The following GNL2 variants were observed in gnomAD, a reference collection of about 807,000 sequenced individuals.
GNL2 encodes nucleolar GTP-binding protein 2.
A neutral mutation model predicts 92.3 loss-of-function variants in GNL2; 51 were observed. That is an observed-to-expected ratio of 0.55 (90% CI 0.44 to 0.70). GNL2 has a LOEUF of 0.70. GNL2 is among the 30% of genes least tolerant of loss of function. The pLI is 0.00. For missense variants in GNL2, 844 were observed against 895.6 expected (o/e 0.94, Z 0.74); for synonymous variants, 283 against 300.6 (o/e 0.94, Z 0.61).
At chr1:37,567,157 C>T in intron 15 of GNL2, 150 bp from the exon 16 acceptor site, 1 of 741,496 alleles carries the variant, frequency 1.3e-6, no homozygotes, top group Non-Finnish European at 2.2e-6. Context: ...AGGGAGGGCT[C>T]CCCCGTAGAC....
At chr1:37,590,952 C>T in intron 3 of GNL2, 107 bp from the exon 4 acceptor site, 1 of 931,502 alleles carries the variant, frequency 1.1e-6, no homozygotes, top group Admixed American at 2.6e-5. Flanking sequence ...TACCCAAGCA[C>T]CTGATCCATC....
chr1:37,569,431 T>C (rs1177115516), intron 12 of GNL2, 129 bp from the exon 13 acceptor site: 8 of 624,392 alleles, frequency 1.3e-5, no homozygotes, highest in South Asian at 2.0e-5. Flanking sequence ...ACACCCAAAT[T>C]TGAGTCATTT....
Position 37,592,756 on chromosome 1 carries a change from G to T in GNL2, c.200C>A (p.Ala67Asp). Residue 67 changes from alanine (A) to aspartate (D), a missense_variant, in exon 3 of 16, where the codon GCT (alanine) becomes GAT (aspartate). By Grantham distance (126) the Ala-to-Asp change is moderately radical. Coordinates refer to ENST00000373062, the MANE Select transcript of GNL2 (RefSeq NM_013285.3). ...IKPLQYQSTV[A>D]SGTVARVEPN... ...CTCTACTCTTGCCACTGTGCCAGAA[G>T]CCACCGTTGATTGATATTGCAGGGG... The T allele has an allele frequency of 6.2e-7, 1 of 1,609,870 alleles. No homozygotes were observed. Among genetic ancestry groups the T allele is most frequent in the Non-Finnish European group, 8.5e-7 (1 of 1,176,068 alleles).
intron 4 of GNL2, among the ~76,000 whole-genome samples, chr1:37,588,992 GACA>G (rs944769307): frequency 2.0e-5 from 3 of 152,196 alleles, no homozygotes; most frequent in East Asian, 1.9e-4. Context: ...TAGAAGCACT[GACA>G]ACAAGTACAG....
rs141806224 is a variant in GNL2, at chr1:37,576,442, C to A, written c.1024G>T (p.Ala342Ser). Residue 342 changes from alanine to serine, a missense_variant, in exon 9 of 16, where the codon GCA (alanine) becomes TCA (serine). Physicochemically the swap from Ala to Ser is moderately conservative, Grantham distance 99. Transcript: ENST00000373062. ...GCCCAACGTACCTTTGTTTCACCTG[C>A]AATGGGAGCCACGTTGCAAACTTTC... is the stretch of plus-strand genomic sequence containing the variant. ...SKKVCNVAPI[A>S]GETKVWQYIT... The A allele has an allele frequency of 1.6e-4, 257 of 1,613,682 alleles. No homozygotes were observed. Among genetic ancestry groups the A allele is most frequent in the Middle Eastern group, 4.9e-4 (3 of 6,084 alleles).
chr1:37,585,758 A>C (rs1643841100), intron 5 of GNL2, among the ~76,000 whole-genome samples: 2 of 152,180 alleles, frequency 1.3e-5, no homozygotes. Context: ...CAATGCTTGA[A>C]GATGGGCTGA....
Position 37,567,717 on chromosome 1 carries a change from G to T in GNL2, c.1999C>A (p.Gln667Lys). The T allele has an allele frequency of 6.2e-7, 1 of 1,613,868 alleles. No individual in the cohort carries two copies. Among genetic ancestry groups the T allele is most frequent in the Non-Finnish European group, 8.5e-7 (1 of 1,179,790 alleles). The change falls in exon 15 of 16, where the codon CAG becomes AAG. Residue 667 changes from glutamine (Q) to lysine (K), a missense_variant. By Grantham distance (53) the Gln-to-Lys change is moderately conservative (BLOSUM62 1). Coordinates refer to ENST00000373062, the MANE Select transcript of GNL2 (RefSeq NM_013285.3). The stretch of plus-strand genomic sequence containing the variant: ...CTGGGAGCTTTATTTGAATGTTCCT[G>T]TTCCTCTTCCCTTTGTGCCTTCCGC... ...KKRKAQREEE[Q>K]EHSNKAPRAL...
At chr1:37,578,172 C>G (rs1276981962) in intron 8 of GNL2, among the ~76,000 whole-genome samples, 1 of 152,190 alleles carries the variant, frequency 6.6e-6, no homozygotes, top group African/African-American at 2.4e-5. Context: ...GGCACAGTGG[C>G]TCATGCCTGT....
chr1:37,573,972 G>C (rs909455811), intron 12 of GNL2, among the ~76,000 whole-genome samples: 1 of 152,108 alleles, frequency 6.6e-6, no homozygotes, highest in Admixed American at 6.6e-5. Flanking sequence ...TCGGCTCACT[G>C]CAACTTGTCT....
Position 37,569,311 on chromosome 1 carries a change from G to T in GNL2, c.1417-9C>A, listed in dbSNP as rs1643559537. Reference sequence around the variant, plus strand: ...GATGAGGAGGGTAGAAGCTATTAAGGGGTGGAAATGGGGGAAATAAATAGA... The same window carrying T: ...GATGAGGAGGGTAGAAGCTATTAAGTGGTGGAAATGGGGGAAATAAATAGA... On this transcript the variant is annotated splice_polypyrimidine_tract_variant and intron_variant, in intron 12 of 15. Transcript: ENST00000373062. The T allele has an allele frequency of 1.3e-6, 2 of 1,533,626 alleles. No homozygotes were observed. Among genetic ancestry groups the T allele is most frequent in the East Asian group, 4.5e-5 (2 of 44,418 alleles).
chr1:37,569,145 A>T lies in GNL2; in HGVS notation c.1574T>A (p.Ile525Asn). Reference protein sequence around the residue: ...HCDANTEMQQILTRVRQNFGK... With the variant: ...HCDANTEMQQNLTRVRQNFGK... ...AAAGTTCTGCCGAACTCGTGTGAGA[A>T]TCTGCTGCATCTCTGTGTTAGCATC... The change falls in exon 13 of 16, where the codon ATT becomes AAT. Residue 525 changes from isoleucine to asparagine, a missense_variant. Coordinates refer to ENST00000373062, the MANE Select transcript of GNL2 (RefSeq NM_013285.3). The T allele has an allele frequency of 6.2e-7, 1 of 1,614,182 alleles. No individual in the cohort carries two copies. Among genetic ancestry groups the T allele is most frequent in the Non-Finnish European group, 8.5e-7 (1 of 1,180,030 alleles).
At chr1:37,590,387 G>A (rs983914090) in intron 4 of GNL2, among the ~76,000 whole-genome samples, 46 of 152,328 alleles carry the variant, frequency 3.0e-4, no homozygotes, top group African/African-American at 1.0e-3. Flanking sequence ...GATTACAGGC[G>A]TGAGCCACTG....
Position 37,581,915 on chromosome 1 carries a change from G to A in GNL2, c.909+308C>T, listed in dbSNP as rs527455097. On this transcript the variant is annotated intron_variant, in intron 8 of 15. Coordinates refer to ENST00000373062, the MANE Select transcript of GNL2 (RefSeq NM_013285.3). ...CCTGACCTTGTGATCTGCCTGCCTC[G>A]GCCTCCCAAAGTGCTGGGATTACAG... is the stretch of plus-strand genomic sequence containing the variant. Among the ~76,000 whole-genome samples, 369 of 151,858 alleles carry A rather than the reference G, an allele frequency of 2.4e-3. 1 individual carries two copies. Among genetic ancestry groups the A allele is most frequent in the African/African-American group, 8.3e-3 (345 of 41,400 alleles).
chr1:37,582,633 T>C lies in GNL2; in HGVS notation c.795+145A>G, dbSNP rs1219757694. On this transcript the variant is annotated intron_variant, in intron 7 of 15. Transcript: ENST00000373062. ...GCCGTCTCCTGGTGCCTCTGCCCAC[T>C]ATCAATGAGCACACTTTCGTGTTTC... The C allele has an allele frequency of 1.4e-5, 10 of 720,174 alleles. No individual in the cohort carries two copies. The Admixed American group carries it at 2.8e-4, about 20-fold the overall frequency. The allele number at this position is 720,174 out of a possible 1,614,324, so 44.6% of individuals were successfully genotyped here.
At position 37,575,682 on chromosome 1, in the gene GNL2, A is replaced by G. The variant is rs776114522; in HGVS notation, c.1056T>C (p.Thr352=). Residue 352 remains threonine, a synonymous_variant, in exon 10 of 16, where the codon ACT becomes ACC. Coordinates refer to ENST00000373062, the MANE Select transcript of GNL2 (RefSeq NM_013285.3). The surrounding 1 kb of genome is among the most constrained non-coding windows in gnomAD (Gnocchi z 4.1). ...CAATCAGGAATATCCGACGCATCAA[A>G]GTAATATACTGCCAGACCTGAAGTC... ...AGETKVWQYI[T]LMRRIFLIDC... The G allele has an allele frequency of 1.2e-5, 20 of 1,601,600 alleles. No homozygotes were observed. In the East Asian group the frequency reaches 3.8e-4, roughly 31 times the overall value.
chr1:37,568,006 C>A (rs188906397), intron 14 of GNL2: 1 of 590,408 alleles, frequency 1.7e-6, no homozygotes, highest in Non-Finnish European at 3.0e-6. Context: ...AACACACCCC[C>A]CTCTTTGTCT....
At chr1:37,573,428 C>G (rs1405363969) in intron 12 of GNL2, among the ~76,000 whole-genome samples, 3 of 152,218 alleles carry the variant, frequency 2.0e-5, no homozygotes, top group African/African-American at 7.2e-5. Context: ...TAACGTTGAG[C>G]CTTGTGGCGG....
chr1:37,595,898 G>A lies in GNL2; in HGVS notation c.-76C>T. ...ACAAACTTTTATGTTCCCAAGCCCG[G>A]CCGAAGACACCCGCCTGAACCACGC... On this transcript the variant is annotated 5_prime_UTR_variant, in exon 1 of 16. Transcript: ENST00000373062. 1 of 1,287,182 alleles carries A rather than the reference G, an allele frequency of 7.8e-7. No individual in the cohort carries two copies. The highest frequency in any genetic ancestry group is 1.7e-5 in the Admixed American group (1 of 57,800). The allele number at this position is 1,287,182 out of a possible 1,614,324, so 79.7% of individuals were successfully genotyped here.
At chr1:37,592,516 T>G (rs1643893144) in intron 3 of GNL2, among the ~76,000 whole-genome samples, 196 bp downstream of exon 3, 1 of 152,220 alleles carries the variant, frequency 6.6e-6, no homozygotes, top group Admixed American at 6.5e-5. Flanking sequence ...TTACTAATGG[T>G]GAGCGCTCTT....
Sources: allele counts gnomAD v4.1 joint callset (sites outside exome capture counted in the v4.1 genomes callset), GRCh38; gene constraint gnomAD v4.1.1; non-coding constraint Gnocchi (gnomAD v3.1); transcripts MANE v1.5; gene names NCBI Gene and HGNC (gene_info 2026-07-23, HGNC 2026-07-21).